Variants in PCDHGB1 observed in about 807,000 individuals in gnomAD.
PCDHGB1 encodes protocadherin gamma-B1.
Under a neutral mutation model 56.6 loss-of-function variants are expected in PCDHGB1, and 34 were observed. That is an observed-to-expected ratio of 0.60 (90% confidence interval 0.46 to 0.80). PCDHGB1 has a LOEUF of 0.80. PCDHGB1 is among the 30% of genes least tolerant of loss of function. PCDHGB1 has a pLI of 0.00. For missense variants in PCDHGB1, 1,278 were observed against 1,204.6 expected (o/e 1.06, Z -0.90); for synonymous variants, 561 against 505.9 (o/e 1.11, Z -1.46).
chr5:141,388,637 T>G (rs993746447), intron 1 of PCDHGB1: 1 of 1,613,762 alleles, frequency 6.2e-7, no homozygotes, highest in Non-Finnish European at 8.5e-7. Context: ...GGGTGAGCCT[T>G]TCAGAAAACG....
chr5:141,375,245 A>G (rs768962763), intron 1 of PCDHGB1: 6 of 1,613,950 alleles, frequency 3.7e-6, no homozygotes, highest in Non-Finnish European at 8.5e-7. Flanking sequence ...TTCCATCCCG[A>G]GAAGTCTCCC....
Position 141,409,803 on chromosome 5 carries a change from C to G in PCDHGB1, c.2409+57134C>G, listed in dbSNP as rs779815582. The G allele has an allele frequency of 1.4e-5, 23 of 1,611,528 alleles. No homozygotes were observed. The highest frequency in any genetic ancestry group is 7.7e-5 in the South Asian group (7 of 90,886). ...CGCGCCTTCGCGCTCACGCTGCAGG[C>G]CCGCGACCACGGCTCGCCCACGCTC... On this transcript the variant is annotated intron_variant, in intron 1 of 3. Coordinates refer to ENST00000523390, the MANE Select transcript of PCDHGB1 (RefSeq NM_018922.3).
chr5:141,405,609 G>A, intron 1 of PCDHGB1: 1 of 562,334 alleles, frequency 1.8e-6, no homozygotes. Context: ...AGAATAACTG[G>A]GACTACAGGC....
chr5:141,509,645 G>C (rs138497208), intron 3 of PCDHGB1, among the ~76,000 whole-genome samples: 8 of 152,338 alleles, frequency 5.3e-5, no homozygotes, highest in African/African-American at 1.9e-4. Context: ...GCCAGGGCCA[G>C]AGTGTGGACT....
chr5:141,383,514 G>A (rs778204328), intron 1 of PCDHGB1: 2 of 1,612,718 alleles, frequency 1.2e-6, no homozygotes, highest in South Asian at 2.2e-5. Context: ...GGGAGGAAGA[G>A]CGGGTTCACC....
chr5:141,384,714 A>G (rs750526941), intron 1 of PCDHGB1: 8 of 1,614,076 alleles, frequency 5.0e-6, no homozygotes, highest in African/African-American at 1.3e-5. Context: ...CCTGGCTGTC[A>G]TACCTCCTGC....
intron 1 of PCDHGB1, chr5:141,391,295 G>A (rs1373471979): frequency 6.6e-6 from 1 of 151,134 alleles, no homozygotes; most frequent in Non-Finnish European, 1.5e-5. Context: ...AGAAGGAAAC[G>A]TCTTTCGATT....
rs2095194600 is a variant in PCDHGB1 at position 141,408,919 on chromosome 5, C to T, written c.2409+56250C>T. On this transcript the variant is annotated intron_variant, in intron 1 of 3. Transcript: ENST00000523390. The stretch of plus-strand genomic sequence containing the variant: ...CTGTCAAGGATACCAATGATAACCC[C>T]CCGGTTTTCAGCAGAGACGAATATA... 2.5e-6 allele frequency: 4 copies of T among 1,613,346 alleles called. No individual in the cohort carries two copies. The African/African-American group carries it at 4.0e-5, about 16-fold the overall frequency.
In PCDHGB1 at chr5:141,486,056, C is replaced by T; in HGVS notation, c.2410-8751C>T. 6.2e-7 allele frequency: 1 copy of T among 1,614,170 alleles called. No homozygotes were observed. The highest frequency in any genetic ancestry group is 8.5e-7 in the Non-Finnish European group (1 of 1,180,026). ...TGATCGTGTAAGAAACCTCTTTAGC[C>T]TGCACCCCACTACTGGAAAGCTTAC... On this transcript the variant is annotated intron_variant, in intron 1 of 3. Transcript: ENST00000523390. The surrounding 1 kb of genome is among the most constrained non-coding windows in gnomAD (Gnocchi z 5.0).
rs114776679 is a variant in PCDHGB1, at chr5:141,400,351, G to A, written c.2409+47682G>A. The A allele has an allele frequency of 1.1e-3, 1,779 of 1,614,070 alleles. 15 individuals are homozygous for A. The African/African-American group carries it at 0.021, about 19-fold the overall frequency. On this transcript the variant is annotated intron_variant, in intron 1 of 3. Coordinates refer to ENST00000523390, the MANE Select transcript of PCDHGB1 (RefSeq NM_018922.3). ...TGTGGTTCCCCCCAACTACAGTCAG[G>A]GGACTTTGCCTTATTCCTACAACCT...
Position 141,351,697 on chromosome 5 carries a change from C to A in PCDHGB1, c.1437C>A (p.Pro479=), listed in dbSNP as rs1257912635. 6.2e-7 allele frequency: 1 copy of A among 1,613,970 alleles called. No individual in the cohort carries two copies. Among genetic ancestry groups the A allele is most frequent in the Non-Finnish European group, 8.5e-7 (1 of 1,179,908 alleles). The change falls in exon 1 of 4, where the codon CCC becomes CCA. Residue 479 remains proline, a synonymous_variant. Coordinates refer to ENST00000523390, the MANE Select transcript of PCDHGB1 (RefSeq NM_018922.3). ...GCGCCTCCGACCCGGATTTGGGACC[C>A]AACGGCAGAGTCTCCTACTCTATTC... The part of the protein sequence containing the change: ...QVSASDPDLG[P]NGRVSYSILA...
intron 1 of PCDHGB1, chr5:141,400,558 C>T: frequency 1.2e-6 from 2 of 1,613,290 alleles, no homozygotes; most frequent in Non-Finnish European, 1.7e-6. Flanking sequence ...TTTTTCATTA[C>T]CCACCCAATT....
chr5:141,372,682 C>G, intron 1 of PCDHGB1: 1 of 1,614,010 alleles, frequency 6.2e-7, no homozygotes, highest in Non-Finnish European at 8.5e-7. Context: ...TCCTCAAACA[C>G]CGAGTTTAAA....
Position 141,428,162 on chromosome 5 carries a change from G to A in PCDHGB1, c.2410-66645G>A, listed in dbSNP as rs75153946. The A allele has an allele frequency of 9.5e-4, 1,493 of 1,569,102 alleles. 9 individuals are homozygous for A. The African/African-American group carries it at 0.016, about 16-fold the overall frequency. On this transcript the variant is annotated intron_variant, in intron 1 of 3. Coordinates refer to ENST00000523390, the MANE Select transcript of PCDHGB1 (RefSeq NM_018922.3). ...GGCTGCACACGGGAACCTGCTGGTT[G>A]CTGTGCGTGACGGAGGACAGCCGCC...
At chr5:141,392,770 T>G in intron 1 of PCDHGB1, 1 of 1,511,750 alleles carries the variant, frequency 6.6e-7, no homozygotes, top group South Asian at 1.3e-5. Flanking sequence ...AAGACCCATT[T>G]ATGCACAGTG....
At chr5:141,357,306 C>T in intron 1 of PCDHGB1, 5 of 1,614,076 alleles carry the variant, frequency 3.1e-6, no homozygotes, top group Non-Finnish European at 4.2e-6. Context: ...CTGTCTCCTG[C>T]GTCTTCCTGG....
intron 1 of PCDHGB1, among the ~76,000 whole-genome samples, chr5:141,483,024 G>A (rs1210804345): frequency 6.6e-6 from 1 of 152,094 alleles, no homozygotes; most frequent in Non-Finnish European, 1.5e-5. Context: ...GGCAGAGGTT[G>A]CAATGAGCTG....
chr5:141,357,847 AGC>A, intron 1 of PCDHGB1: 1 of 619,362 alleles, frequency 1.6e-6, no homozygotes, highest in Non-Finnish European at 2.7e-6. Flanking sequence ...TTGTAGTTTC[AGC>A]CAGAATTTTC....
intron 1 of PCDHGB1, chr5:141,410,274 A>G: frequency 4.3e-6 from 7 of 1,613,948 alleles, no homozygotes; most frequent in Non-Finnish European, 5.9e-6. Context: ...CTGCAGTTTT[A>G]CCTGGTGGTG....
Sources: allele counts gnomAD v4.1 joint callset (sites outside exome capture counted in the v4.1 genomes callset), GRCh38; gene constraint gnomAD v4.1.1; non-coding constraint Gnocchi (gnomAD v3.1); transcripts MANE v1.5; gene names NCBI Gene and HGNC (gene_info 2026-07-23, HGNC 2026-07-21).